Variants in CABLES2 observed in about 807,000 individuals in gnomAD.
CABLES2 encodes Cdk5 and Abl enzyme substrate 2.
Under a neutral mutation model 44.8 loss-of-function variants are expected in CABLES2, and 35 were observed. The observed-to-expected ratio is 0.78, with a 90% CI of 0.60 to 1.04. CABLES2 has a LOEUF of 1.04. Ranked by LOEUF, CABLES2 falls within the 50% of genes least tolerant of loss-of-function variation. The probability of loss-of-function intolerance (pLI) is 0.00; values close to 1 mark genes in which losing one functional copy is unlikely to be tolerated. For synonymous variants in CABLES2, 282 were observed against 281.1 expected (o/e 1.00, Z -0.03); for missense variants, 566 against 615.7 (o/e 0.92, Z 0.85).
At position 62,392,988 on chromosome 20, in the gene CABLES2, TG is replaced by T. The variant is rs1324660920; in HGVS notation, c.915del (p.Asn306ThrfsTer23). On this transcript the variant is annotated frameshift_variant, in exon 7 of 10. Coordinates refer to ENST00000279101, the MANE Select transcript of CABLES2 (RefSeq NM_031215.3). LOFTEE classifies it high-confidence loss of function. Reference sequence around the variant, plus strand: ...GGCCACTGCGGGTCATCCAGGAGGTTGGGGTTGTACTCCAGGGTGTCCCCCA... The same window carrying T: ...GGCCACTGCGGGTCATCCAGGAGGTTGGGTTGTACTCCAGGGTGTCCCCCA... ...SDVGDTLEYN[P>X]NLLDDPQWPC... The T allele has an allele frequency of 6.2e-7, 1 of 1,614,010 alleles. No individual in the cohort carries two copies.
chr20:62,391,572 C>G lies in CABLES2; in HGVS notation c.1092-119G>C. 1 of 997,312 alleles carries G rather than the reference C, an allele frequency of 1.0e-6. No individual in the cohort carries two copies. The allele number at this position is 997,312 out of a possible 1,614,324, so 61.8% of individuals were successfully genotyped here. A position where few individuals can be genotyped will look rare whatever the true frequency, so the allele number is the denominator to read the frequency against. On this transcript the variant is annotated intron_variant, in intron 8 of 9. Transcript: ENST00000279101. This position sits in a 1 kb window ranked among gnomAD's most constrained non-coding sequence, Gnocchi z 5.7. ...AGCTTTGGGCCGCAAGAAACACCAC[C>G]GCATCCTTCAGGGGATGGTACCCTC...
intron 1 of CABLES2, among the ~76,000 whole-genome samples, chr20:62,399,043 T>C (rs1008377869): frequency 1.3e-5 from 2 of 152,142 alleles, no homozygotes; most frequent in South Asian, 4.1e-4. Flanking sequence ...GCCTGCTGGA[T>C]TCAAGCAATC....
intron 5 of CABLES2, among the ~76,000 whole-genome samples, chr20:62,393,875 G>A (rs528766661): frequency 1.3e-5 from 2 of 152,332 alleles, no homozygotes; most frequent in East Asian, 3.9e-4. Flanking sequence ...CCAGCACAGA[G>A]GCCAGAGGGT....
At chr20:62,401,695 G>A (rs1278845167) in intron 1 of CABLES2, among the ~76,000 whole-genome samples, 2 of 152,232 alleles carry the variant, frequency 1.3e-5, no homozygotes, top group Non-Finnish European at 2.9e-5. Flanking sequence ...GACGCCACAC[G>A]GGTTGAGAGG....
rs1987918816 is a variant in CABLES2, at chr20:62,391,513, C to T, written c.1092-60G>A. On this transcript the variant is annotated intron_variant, in intron 8 of 9. Transcript: ENST00000279101. The surrounding 1 kb of genome is among the most constrained non-coding windows in gnomAD (Gnocchi z 5.7). ...CTCTGGCTGGGGCTGAGGAGGCAGC[C>T]CCCTGCCACCACCAACCGAGGCTGG... 1.9e-6 allele frequency: 3 copies of T among 1,554,978 alleles called. No individual in the cohort carries two copies. Among genetic ancestry groups the T allele is most frequent in the South Asian group, 1.1e-5 (1 of 89,504 alleles).
At chr20:62,402,569 T>G (rs973970993) in intron 1 of CABLES2, 5 of 152,200 alleles carry the variant, frequency 3.3e-5, no homozygotes, top group African/African-American at 4.8e-5. Context: ...GGCAGTGGTG[T>G]TGTTCGGCTG....
intron 3 of CABLES2, among the ~76,000 whole-genome samples, chr20:62,395,747 C>T (rs1988006772): frequency 3.3e-5 from 5 of 152,188 alleles, no homozygotes; most frequent in Admixed American, 1.3e-4. Flanking sequence ...CCCACAGTCA[C>T]CACAAGGAGG....
At position 62,390,974 on chromosome 20, in the gene CABLES2, G is replaced by T. The variant is rs765219271; in HGVS notation, c.1434C>A (p.Phe478Leu). Residue 478 changes from phenylalanine (F) to leucine (L), a missense_variant, in exon 10 of 10, where the codon TTC (phenylalanine) becomes TTA (leucine). Coordinates refer to ENST00000279101, the MANE Select transcript of CABLES2 (RefSeq NM_031215.3). ...TGAGCCTTCTGTGGGGCCTCTGCTAGAACTGCTGGGTGAGGCGCCTGTAAT... is the reference window on the plus strand; with the variant it reads ...TGAGCCTTCTGTGGGGCCTCTGCTATAACTGCTGGGTGAGGCGCCTGTAAT... ...LPHYRRLTQQ[F>L] is the part of the protein sequence containing the mutation. The T allele has an allele frequency of 6.2e-7, 1 of 1,614,128 alleles. No individual in the cohort carries two copies. The highest frequency in any genetic ancestry group is 2.2e-5 in the East Asian group (1 of 44,886).
Position 62,406,975 on chromosome 20 carries a change from T to C in CABLES2, c.302A>G (p.Gln101Arg), listed in dbSNP as rs1195458071. The change falls in exon 1 of 10, where the codon CAG becomes CGG. Residue 101 changes from glutamine (Q) to arginine (R), a missense_variant. Coordinates refer to ENST00000279101, the MANE Select transcript of CABLES2 (RefSeq NM_031215.3). ...TGLPARTPAPQGLLSPTQVPT... is the reference protein window; with the variant it reads ...TGLPARTPAPRGLLSPTQVPT... The stretch of plus-strand genomic sequence containing the variant: ...CACCTGCGTGGGGCTGAGCAGGCCC[T>C]GGGGCGCGGGGGTCCTGGCGGGCAG... 9 of 1,207,506 alleles carry C rather than the reference T, an allele frequency of 7.5e-6. No homozygotes were observed. The highest frequency in any genetic ancestry group is 4.7e-5 in the African/African-American group (3 of 63,396). 74.8% of individuals were successfully genotyped at this position (1,207,506 alleles called of 1,614,324 possible).
chr20:62,401,724 A>G (rs1988192008), intron 1 of CABLES2, among the ~76,000 whole-genome samples: 1 of 152,180 alleles, frequency 6.6e-6, no homozygotes. Context: ...GTGGTGACAC[A>G]GGTCCCCTCA....
intron 1 of CABLES2, among the ~76,000 whole-genome samples, chr20:62,398,938 T>C (rs959446393): frequency 3.9e-5 from 6 of 152,248 alleles, no homozygotes; most frequent in Non-Finnish European, 5.9e-5. Context: ...GACGCCAACA[T>C]TGATGCTGTC....
chr20:62,398,071 C>CGGTGGTGGTGAT (rs1555890761), intron 1 of CABLES2, among the ~76,000 whole-genome samples: 1 of 68,302 alleles, frequency 1.5e-5, no homozygotes, highest in Non-Finnish European at 2.7e-5. Flanking sequence ...GTGGTGGTGA[C>CGGTGGTGGTGAT]GGTGGTGGTG....
rs1290196060 is a variant in CABLES2, at chr20:62,388,847, G to A, written c.*2124C>T. On this transcript the variant is annotated 3_prime_UTR_variant, in exon 10 of 10. Transcript: ENST00000279101. ...GACACCTGGATGTGTTCTAGAGAATGACAGGCTGAGACTGTAGTTTGGTTT... is the reference window on the plus strand; with the variant it reads ...GACACCTGGATGTGTTCTAGAGAATAACAGGCTGAGACTGTAGTTTGGTTT... The A allele has an allele frequency of 4.0e-6, 1 of 252,326 alleles. No homozygotes were observed. Among genetic ancestry groups the A allele is most frequent in the Non-Finnish European group, 7.7e-6 (1 of 129,886 alleles). 15.6% of individuals were successfully genotyped at this position (252,326 alleles called of 1,614,324 possible). A position where few individuals can be genotyped will look rare whatever the true frequency, so the allele number is the denominator to read the frequency against.
chr20:62,400,060 G>A (rs1367124089), intron 1 of CABLES2, among the ~76,000 whole-genome samples: 1 of 152,204 alleles, frequency 6.6e-6, no homozygotes, highest in Non-Finnish European at 1.5e-5. Context: ...AGCTAGGATT[G>A]AAAGCAGAAA....
intron 5 of CABLES2, 43 bp from the exon 6 acceptor site, chr20:62,393,648 A>G: frequency 1.3e-6 from 2 of 1,522,506 alleles, no homozygotes; most frequent in Non-Finnish European, 1.8e-6. Context: ...GCCTCCCGGG[A>G]CCAGAGGGCA....
At chr20:62,406,377 G>A (rs1385108446) in intron 1 of CABLES2, among the ~76,000 whole-genome samples, 1 of 152,028 alleles carries the variant, frequency 6.6e-6, no homozygotes, top group Non-Finnish European at 1.5e-5. Context: ...GGTACCAGTG[G>A]ATGGGGGTGG....
rs1217888126 is a variant in CABLES2 at position 62,394,968 on chromosome 20, C to A, written c.574G>T (p.Val192Phe). 6.2e-7 allele frequency: 1 copy of A among 1,612,886 alleles called. No individual in the cohort carries two copies. ...AKRSLCAAFS[V>F]LPYGEGLRIS... ...CGCAGGCCTTCCCCATAGGGCAGGA[C>A]CGAGAAGGCCGCGCACAGGGACCGC... Residue 192 changes from valine (V) to phenylalanine (F), a missense_variant, in exon 4 of 10, where the codon GTC becomes TTC. Physicochemically the swap from Val to Phe is conservative, Grantham distance 50 (BLOSUM62 -1). Around this residue, in one of 2 missense-constraint regions of CABLES2, gnomAD observed 436 missense variants for 536.3 expected, o/e 0.81. Coordinates refer to ENST00000279101, the MANE Select transcript of CABLES2 (RefSeq NM_031215.3).
At chr20:62,402,946 C>T (rs917074157) in intron 1 of CABLES2, 1 of 152,276 alleles carries the variant, frequency 6.6e-6, no homozygotes, top group Non-Finnish European at 1.5e-5. Context: ...ATTGGTTTAA[C>T]TTGGACAGCA....
In CABLES2 at chr20:62,398,088, A is replaced by ATGTGGTGG. The variant is rs1569017555; in HGVS notation, c.363-1497_363-1496insCCACCACA. On this transcript the variant is annotated intron_variant, in intron 1 of 9. Transcript: ENST00000279101. ...GGTGGTGACGGTGGTGGTGGTGGTG[A>ATGTGGTGG]CGGTGGTGGTGGTGGTGATGGTGGT... is the stretch of plus-strand genomic sequence containing the variant. 1.8e-3 allele frequency among the ~76,000 whole-genome samples: 94 copies of ATGTGGTGG among 52,248 alleles called. 1 individual carries two copies. Among genetic ancestry groups the ATGTGGTGG allele is most frequent in the Non-Finnish European group, 3.0e-3 (74 of 24,900 alleles). The allele number at this position is 52,248 out of a possible 152,430, so 34.3% of individuals were successfully genotyped here.
Sources: allele counts gnomAD v4.1 joint callset (sites outside exome capture counted in the v4.1 genomes callset), GRCh38; gene constraint gnomAD v4.1.1; regional missense constraint gnomAD v4.1.1; non-coding constraint Gnocchi (gnomAD v3.1); transcripts MANE v1.5; gene names NCBI Gene and HGNC (gene_info 2026-07-23, HGNC 2026-07-21).